TECR: variants seen among roughly 807,000 people sequenced by gnomAD.
The protein encoded by TECR is very-long-chain enoyl-CoA reductase.
TECR carries 19 observed loss-of-function variants against 50.6 expected under a neutral mutation model. The ratio of observed to expected loss-of-function variants is 0.38; its 90% CI spans 0.26 to 0.55. TECR has a LOEUF of 0.55. TECR is among the 20% of genes least tolerant of loss of function. TECR has a pLI of 0.79. For missense variants in TECR, 313 were observed against 408.3 expected, an observed-to-expected ratio of 0.77 and a Z score of 2.01; for synonymous variants, 168 against 163.5, an observed-to-expected ratio of 1.03 and a Z score of -0.21.
Position 14,563,779 on chromosome 19 carries a change from C to T in TECR, c.164-21C>T. The T allele has an allele frequency of 1.9e-6, 3 of 1,612,694 alleles. No homozygotes were observed. The highest frequency in any genetic ancestry group is 2.5e-6 in the Non-Finnish European group (3 of 1,179,694). On this transcript the variant is annotated intron_variant, in intron 4 of 12. Coordinates refer to ENST00000215567, the MANE Select transcript of TECR (RefSeq NM_138501.6). This position sits in a 1 kb window ranked among gnomAD's most constrained non-coding sequence, Gnocchi z 5.3. ...GGAGAAGGCCCGGGTAGCCCCTGAG[C>T]CCTGGCCCGCCTCTCTGCAGAGGGC...
At chr19:14,553,526 G>A (rs2146607990) in intron 1 of TECR, among the ~76,000 whole-genome samples, 1 of 152,262 alleles carries the variant, frequency 6.6e-6, no homozygotes, top group East Asian at 1.9e-4. Context: ...TGGTATTTCT[G>A]GCCGAGCAGG....
At chr19:14,536,893 C>T (rs1219328102) in intron 1 of TECR, among the ~76,000 whole-genome samples, 1 of 150,264 alleles carries the variant, frequency 6.7e-6, no homozygotes, top group Non-Finnish European at 1.5e-5. Flanking sequence ...CTTGCAGCAG[C>T]TAACATTTGA....
intron 1 of TECR, among the ~76,000 whole-genome samples, chr19:14,548,096 G>A (rs2146594190): frequency 6.6e-6 from 1 of 151,668 alleles, no homozygotes; most frequent in Admixed American, 6.6e-5. Flanking sequence ...CCAAGTAGCT[G>A]GGACTACAGG....
intron 1 of TECR, among the ~76,000 whole-genome samples, chr19:14,557,817 G>A (rs1360423381): frequency 1.3e-5 from 2 of 151,332 alleles, no homozygotes; most frequent in East Asian, 1.9e-4. Context: ...GTGCAGTGGC[G>A]CGATCTCGGT....
In TECR at chr19:14,553,155, G is replaced by T. The variant is rs183812037; in HGVS notation, c.16-9370G>T. Reference sequence around the variant, plus strand: ...GCCCAAGCCAGGAGCTCGTGCGTCCGATGACCATCTTCCAAGGCTGGATTG... The same window carrying T: ...GCCCAAGCCAGGAGCTCGTGCGTCCTATGACCATCTTCCAAGGCTGGATTG... On this transcript the variant is annotated intron_variant, in intron 1 of 12. Transcript: ENST00000215567. Among the ~76,000 whole-genome samples the T allele has an allele frequency of 1.0e-3, 157 of 152,224 alleles. 4 individuals carry two copies. The highest frequency in any genetic ancestry group is 5.2e-4 in the Admixed American group (8 of 15,292).
chr19:14,535,543 A>T (rs868645584), intron 1 of TECR, among the ~76,000 whole-genome samples: 2 of 32,690 alleles, frequency 6.1e-5, no homozygotes, highest in African/African-American at 1.7e-4. Flanking sequence ...AAAAAAAAAA[A>T]ATATATATAT....
In TECR at chr19:14,529,795, T is replaced by C. The variant is rs532362706; in HGVS notation, c.15+84T>C. ...TGCGGGACCACGGGACCCCACTTTCTGGTCCTGTGCCCCGAAGGAAGAGCC... is the reference window on the plus strand; with the variant it reads ...TGCGGGACCACGGGACCCCACTTTCCGGTCCTGTGCCCCGAAGGAAGAGCC... On this transcript the variant is annotated intron_variant, in intron 1 of 12. Transcript: ENST00000215567. The C allele has an allele frequency of 1.6e-5, 25 of 1,591,194 alleles. No individual in the cohort carries two copies. In the East Asian group the frequency reaches 2.0e-4, roughly 13 times the overall value.
intron 1 of TECR, among the ~76,000 whole-genome samples, chr19:14,543,447 T>A (rs1250135468): frequency 2.0e-5 from 1 of 51,026 alleles, no homozygotes; most frequent in Non-Finnish European, 4.1e-5. Context: ...TTTTTTTTTT[T>A]TTTTTTTTTG....
chr19:14,541,396 C>G (rs559574049), intron 1 of TECR, among the ~76,000 whole-genome samples: 4 of 152,218 alleles, frequency 2.6e-5, no homozygotes, highest in Non-Finnish European at 4.4e-5. Context: ...TGGAAGCTGC[C>G]GAGACAACAC....
At chr19:14,530,838 A>G (rs942325716) in intron 1 of TECR, 4 of 152,218 alleles carry the variant, frequency 2.6e-5, no homozygotes, top group African/African-American at 9.6e-5. Context: ...AGTGGCATTA[A>G]GAACATTCAC....
At chr19:14,535,199 C>T (rs2072817458) in intron 1 of TECR, among the ~76,000 whole-genome samples, 1 of 151,300 alleles carries the variant, frequency 6.6e-6, no homozygotes, top group Non-Finnish European at 1.5e-5. Flanking sequence ...ATGGCGAAAC[C>T]CCCTCTCCAC....
chr19:14,555,882 A>G (rs1289454637), intron 1 of TECR, among the ~76,000 whole-genome samples: 1 of 152,134 alleles, frequency 6.6e-6, no homozygotes, highest in Non-Finnish European at 1.5e-5. Context: ...CACTGCGCCC[A>G]GCCCACTTTT....
intron 1 of TECR, among the ~76,000 whole-genome samples, chr19:14,557,783 T>C (rs2073782381): frequency 6.9e-6 from 1 of 145,704 alleles, no homozygotes; most frequent in African/African-American, 2.6e-5. Flanking sequence ...TGAGATGGAG[T>C]CTTGCTCTGT....
chr19:14,556,413 A>AAAAAC (rs1555735954), intron 1 of TECR, among the ~76,000 whole-genome samples: 43 of 86,632 alleles, frequency 5.0e-4, no homozygotes, highest in African/African-American at 1.2e-3. Flanking sequence ...TCTCTCAAAA[A>AAAAAC]AAAAACAAAA....
chr19:14,544,806 A>G (rs1228339345), intron 1 of TECR, among the ~76,000 whole-genome samples: 2 of 151,374 alleles, frequency 1.3e-5, no homozygotes, highest in Admixed American at 1.3e-4. Context: ...CTAATTTGAA[A>G]ATTTTCTGTA....
chr19:14,562,337 C>T, intron 1 of TECR, 188 bp from the exon 2 acceptor site: 1 of 678,284 alleles, frequency 1.5e-6, no homozygotes, highest in Non-Finnish European at 2.7e-6. Flanking sequence ...TGACGGCCGG[C>T]AGCTGGGGCT....
At chr19:14,556,408 CAAAAAA>C (rs1555735939) in intron 1 of TECR, among the ~76,000 whole-genome samples, 1 of 50,888 alleles carries the variant, frequency 2.0e-5, no homozygotes, top group African/African-American at 1.2e-4. Context: ...GAGACTCTCT[CAAAAAA>C]AAAACAAAAA....
At chr19:14,556,741 G>A (rs974421849) in intron 1 of TECR, among the ~76,000 whole-genome samples, 2 of 152,200 alleles carry the variant, frequency 1.3e-5, no homozygotes, top group African/African-American at 4.8e-5. Flanking sequence ...AGCTGTCTCC[G>A]TCCCTGACAT....
At chr19:14,539,264 G>T (rs951701020) in intron 1 of TECR, among the ~76,000 whole-genome samples, 1 of 148,690 alleles carries the variant, frequency 6.7e-6, no homozygotes, top group African/African-American at 2.5e-5. Flanking sequence ...AAAGTACTGG[G>T]ATTACAGGCG....
Sources: allele counts gnomAD v4.1 joint callset (sites outside exome capture counted in the v4.1 genomes callset), GRCh38; gene constraint gnomAD v4.1.1; non-coding constraint Gnocchi (gnomAD v3.1); transcripts MANE v1.5; gene names NCBI Gene and HGNC (gene_info 2026-07-23, HGNC 2026-07-21).